Variants in TMEM273 observed in about 807,000 individuals in gnomAD.
TMEM273 encodes chromosome 10 open reading frame 128.
A neutral mutation model predicts 17.9 loss-of-function variants in TMEM273; 19 were observed. The ratio of observed to expected loss-of-function variants is 1.06; its 90% CI spans 0.74 to 1.55. The LOEUF (loss-of-function observed/expected upper bound fraction) is 1.55, where lower values mean the gene tolerates loss of function less well. TMEM273 is among the 40% of genes most tolerant of loss of function. TMEM273 has a pLI of 0.00. For missense variants in TMEM273, 194 were observed against 155.6 expected, an observed-to-expected ratio of 1.25 and a Z score of -1.31; for synonymous variants, 66 against 62.0, an observed-to-expected ratio of 1.07 and a Z score of -0.31.
In TMEM273 at chr10:49,167,968, A is replaced by C. The variant is rs748456377; in HGVS notation, c.44-6T>G. 4.3e-6 allele frequency: 7 copies of C among 1,614,028 alleles called. No homozygotes were observed. Among genetic ancestry groups the C allele is most frequent in the Non-Finnish European group, 5.9e-6 (7 of 1,179,980 alleles). On this transcript the variant is annotated splice_polypyrimidine_tract_variant and splice_region_variant and intron_variant, in intron 1 of 6. Coordinates refer to ENST00000374153, the MANE Select transcript of TMEM273 (RefSeq NM_001288740.3). ...CACTTGAGCTCCTCCTACATCTGCA[A>C]AGAAAGAAACCCCAGAGCCTGGTTA...
At chr10:49,157,675 T>G (rs893738388) in intron 6 of TMEM273, among the ~76,000 whole-genome samples, 1 of 152,196 alleles carries the variant, frequency 6.6e-6, no homozygotes, top group Admixed American at 6.5e-5. Flanking sequence ...AAATAGGAAC[T>G]GATGAATGCT....
chr10:49,170,891 C>T (rs1846521979), intron 1 of TMEM273, among the ~76,000 whole-genome samples: 1 of 152,238 alleles, frequency 6.6e-6, no homozygotes, highest in Admixed American at 6.5e-5. Context: ...CCATAGACCC[C>T]CTGCAAGCCT....
Position 49,166,875 on chromosome 10 carries a change from G to T in TMEM273, c.232C>A (p.Leu78Ile), listed in dbSNP as rs767889914. ...SSDLKSTPGG[L>I]SDTIPLKKRA... ...CGAGCACCACATCCCTCACCACTGA[G>T]GCCCCCAGGCGTGCTTTTCAGGTCG... Residue 78 changes from leucine to isoleucine, a missense_variant, in exon 3 of 7, where the codon CTC becomes ATC. By Grantham distance (5) the Leu-to-Ile change is conservative. Transcript: ENST00000374153. 6.2e-7 allele frequency: 1 copy of T among 1,613,622 alleles called. No individual in the cohort carries two copies. The highest frequency in any genetic ancestry group is 8.5e-7 in the Non-Finnish European group (1 of 1,180,022).
At chr10:49,162,457 T>C (rs1845908020) in intron 5 of TMEM273, among the ~76,000 whole-genome samples, 1 of 152,228 alleles carries the variant, frequency 6.6e-6, no homozygotes, top group East Asian at 1.9e-4. Context: ...CCCTGAAGCA[T>C]GGTCTGCTTC....
chr10:49,156,397 T>G, intron 6 of TMEM273: 1 of 703,608 alleles, frequency 1.4e-6, no homozygotes, highest in South Asian at 1.9e-5. Flanking sequence ...AAGGGCAGCA[T>G]AGGTGTCTAA....
At chr10:49,159,635 C>G (rs1270632327) in intron 6 of TMEM273, among the ~76,000 whole-genome samples, 2 of 152,036 alleles carry the variant, frequency 1.3e-5, no homozygotes, top group Admixed American at 1.3e-4. Flanking sequence ...CTCAGTAGCC[C>G]TGAGCACACA....
intron 1 of TMEM273, among the ~76,000 whole-genome samples, chr10:49,176,027 G>A (rs1043091117): frequency 6.6e-6 from 1 of 152,212 alleles, no homozygotes; most frequent in Non-Finnish European, 1.5e-5. Context: ...TTGAAACCAA[G>A]AGATCTGAGT....
intron 1 of TMEM273, among the ~76,000 whole-genome samples, chr10:49,177,414 G>A (rs1847053185): frequency 6.6e-6 from 1 of 152,154 alleles, no homozygotes; most frequent in African/African-American, 2.4e-5. Flanking sequence ...TTGCCTGAGT[G>A]CTGACCCGGT....
intron 1 of TMEM273, among the ~76,000 whole-genome samples, chr10:49,179,330 C>T (rs932691742): frequency 1.3e-5 from 2 of 152,210 alleles, no homozygotes; most frequent in Non-Finnish European, 2.9e-5. Context: ...AGCTGTGGCC[C>T]TCATCAGGGA....
intron 1 of TMEM273, among the ~76,000 whole-genome samples, chr10:49,171,878 T>C (rs76808058): frequency 0.29 from 43,523 of 151,982 alleles, 7,317 homozygotes; most frequent in African/African-American, 0.47. Flanking sequence ...CAGGCCTCTT[T>C]GAGCTGTCCA....
intron 1 of TMEM273, among the ~76,000 whole-genome samples, chr10:49,171,993 A>G (rs554164191): frequency 6.6e-6 from 1 of 152,196 alleles, no homozygotes; most frequent in Non-Finnish European, 1.5e-5. Flanking sequence ...GCGTGCGTGC[A>G]CTCAGATGTC....
At chr10:49,161,370 G>C (rs1845830076) in intron 6 of TMEM273, 1 of 597,480 alleles carries the variant, frequency 1.7e-6, no homozygotes, top group Non-Finnish European at 3.0e-6. Flanking sequence ...CTCTAACTGG[G>C]CAAATGCCCC....
intron 1 of TMEM273, among the ~76,000 whole-genome samples, chr10:49,186,386 C>T (rs1847731631): frequency 6.6e-6 from 1 of 152,036 alleles, no homozygotes; most frequent in Admixed American, 6.6e-5. Context: ...AGGGTTTTAC[C>T]ATATTATTTC....
intron 1 of TMEM273, chr10:49,178,095 C>T (rs554544545): frequency 4.6e-6 from 2 of 431,040 alleles, no homozygotes; most frequent in South Asian, 1.6e-5. Flanking sequence ...CAGCCAGGCA[C>T]TCTTCCTGTA....
At chr10:49,165,710 G>A in intron 4 of TMEM273, 56 bp downstream of exon 4, 1 of 1,608,730 alleles carries the variant, frequency 6.2e-7, no homozygotes, top group Admixed American at 1.7e-5. Context: ...GAGTGGCACG[G>A]TCAAGACAGG....
rs886426267 is a variant in TMEM273, at chr10:49,154,866, C to G, written c.*1026G>C. On this transcript the variant is annotated 3_prime_UTR_variant, in exon 7 of 7. Coordinates refer to ENST00000374153, the MANE Select transcript of TMEM273 (RefSeq NM_001288740.3). Reference sequence around the variant, plus strand: ...CGTTATCAAGTTGGGTAAGAGACGCCCTGGGAGTCCAGGCAAATCATGACA... The same window carrying G: ...CGTTATCAAGTTGGGTAAGAGACGCGCTGGGAGTCCAGGCAAATCATGACA... 7 of 152,144 alleles carry G rather than the reference C, an allele frequency of 4.6e-5. No homozygotes were observed. Among genetic ancestry groups the G allele is most frequent in the Non-Finnish European group, 8.8e-5 (6 of 68,026 alleles). 9.4% of individuals were successfully genotyped at this position (152,144 alleles called of 1,614,324 possible).
chr10:49,168,849 A>T (rs73304793), intron 1 of TMEM273, among the ~76,000 whole-genome samples: 4 of 151,906 alleles, frequency 2.6e-5, no homozygotes, highest in South Asian at 4.2e-4. Flanking sequence ...AGTGATCCAG[A>T]GGTGAGGTCC....
chr10:49,180,518 G>A (rs1847279418), intron 1 of TMEM273, among the ~76,000 whole-genome samples: 1 of 152,154 alleles, frequency 6.6e-6, no homozygotes, highest in Non-Finnish European at 1.5e-5. Flanking sequence ...TCTCTCGACA[G>A]AATGATATCT....
chr10:49,157,155 G>A (rs1479357907), intron 6 of TMEM273, among the ~76,000 whole-genome samples: 1 of 152,228 alleles, frequency 6.6e-6, no homozygotes, highest in East Asian at 1.9e-4. Flanking sequence ...TAGATGGGCA[G>A]CCCAAGAGAG....
Sources: gnomAD v4.1 joint callset for allele counts (sites outside exome capture counted in the v4.1 genomes callset) on GRCh38, gnomAD v4.1.1 for gene constraint, MANE v1.5 for transcripts, NCBI Gene and HGNC (gene_info 2026-07-23, HGNC 2026-07-21) for gene names.